Variants in IL15 observed in about 807,000 individuals in gnomAD.
IL15 encodes interleukin 15.
In IL15, 11 loss-of-function variants were observed where a neutral mutation model predicts 19.6. That is an observed-to-expected ratio of 0.56 (90% CI 0.35 to 0.93). IL15 has a LOEUF of 0.93. Ranked by LOEUF, IL15 falls within the 40% of genes least tolerant of loss-of-function variation. IL15 has a pLI of 0.01. For missense variants in IL15, 197 were observed against 186.5 expected (o/e 1.06, Z -0.33); for synonymous variants, 58 against 59.6 (o/e 0.97, Z 0.12).
At position 141,718,717 on chromosome 4, in the gene IL15, G is replaced by C. The variant is rs1335338956; in HGVS notation, c.-99-649G>C. On this transcript the variant is annotated intron_variant, in intron 2 of 7. Coordinates refer to ENST00000320650, the MANE Select transcript of IL15 (RefSeq NM_000585.5). ...TTAATTCAGTGAATATTTATGTCAT[G>C]GGTTGTGGCAGATTTTGGTTTTTTG... is the stretch of plus-strand genomic sequence containing the variant. The C allele has an allele frequency of 6.6e-5, 10 of 152,190 alleles. No individual in the cohort carries two copies. In the South Asian group the frequency reaches 2.1e-3, roughly 32 times the overall value. 9.4% of individuals were successfully genotyped at this position (152,190 alleles called of 1,614,324 possible). A position where few individuals can be genotyped will look rare whatever the true frequency, so the allele number is the denominator to read the frequency against.
chr4:141,649,023 G>C (rs1313999089), intron 1 of IL15, among the ~76,000 whole-genome samples: 3 of 152,110 alleles, frequency 2.0e-5, no homozygotes, highest in Admixed American at 6.5e-5. Flanking sequence ...TTGTTTGCAT[G>C]TAAACAGCTG....
intron 1 of IL15, among the ~76,000 whole-genome samples, chr4:141,645,017 T>C (rs1727180082): frequency 6.6e-6 from 1 of 152,196 alleles, no homozygotes; most frequent in Non-Finnish European, 1.5e-5. Flanking sequence ...TAATTTTTGC[T>C]ATTCTTTGCA....
chr4:141,664,426 A>C lies in IL15; in HGVS notation c.-100+8119A>C, dbSNP rs536567652. Among the ~76,000 whole-genome samples the C allele has an allele frequency of 2.9e-4, 44 of 151,984 alleles. 1 individual carries two copies. In the South Asian group the frequency reaches 8.3e-3, roughly 29 times the overall value. On this transcript the variant is annotated intron_variant, in intron 2 of 7. Coordinates refer to ENST00000320650, the MANE Select transcript of IL15 (RefSeq NM_000585.5). ...ACAAAAAAACCCTCTGGGGAAATTC[A>C]AAAGAATGATAAACTGGGAAAAATA...
intron 6 of IL15, among the ~76,000 whole-genome samples, chr4:141,728,889 T>G (rs1730356940): frequency 6.6e-6 from 1 of 152,124 alleles, no homozygotes; most frequent in Admixed American, 6.6e-5. Flanking sequence ...AAATTGCTTT[T>G]TTGCAAGAAG....
chr4:141,697,971 G>A (rs1339181900), intron 2 of IL15, among the ~76,000 whole-genome samples: 1 of 151,910 alleles, frequency 6.6e-6, no homozygotes, highest in Non-Finnish European at 1.5e-5. Context: ...TTGCCTGTGG[G>A]TTTGTCATAT....
intron 2 of IL15, among the ~76,000 whole-genome samples, chr4:141,670,974 G>C (rs1408264270): frequency 6.6e-6 from 1 of 152,180 alleles, no homozygotes; most frequent in Non-Finnish European, 1.5e-5. Context: ...ACAATGGGGT[G>C]AGTTGTGTAT....
chr4:141,639,016 A>T (rs558391695), intron 1 of IL15, among the ~76,000 whole-genome samples: 82 of 152,352 alleles, frequency 5.4e-4, no homozygotes, highest in African/African-American at 2.0e-3. Context: ...CCTATAACTT[A>T]AGTTATGAGA....
intron 1 of IL15, among the ~76,000 whole-genome samples, chr4:141,639,940 A>C (rs992656798): frequency 6.6e-6 from 1 of 152,312 alleles, no homozygotes; most frequent in East Asian, 1.9e-4. Context: ...ATTAAATACT[A>C]TCAACTATAT....
At chr4:141,688,108 G>A (rs1366821740) in intron 2 of IL15, among the ~76,000 whole-genome samples, 1 of 152,106 alleles carries the variant, frequency 6.6e-6, no homozygotes, top group Admixed American at 6.5e-5. Flanking sequence ...GAGTAGGGTT[G>A]TTTACAAAGG....
intron 5 of IL15, among the ~76,000 whole-genome samples, chr4:141,727,533 TAGC>T (rs1029285209): frequency 6.6e-6 from 1 of 152,100 alleles, no homozygotes; most frequent in African/African-American, 2.4e-5. Flanking sequence ...TATGAAAGAA[TAGC>T]AGCAGAATCC....
intron 1 of IL15, among the ~76,000 whole-genome samples, chr4:141,649,744 G>A (rs1174714945): frequency 1.3e-5 from 2 of 151,988 alleles, no homozygotes; most frequent in East Asian, 3.9e-4. Flanking sequence ...GAGCACGCTT[G>A]CTGCAATTAA....
intron 2 of IL15, among the ~76,000 whole-genome samples, chr4:141,711,538 G>A (rs1170331207): frequency 1.3e-5 from 2 of 152,012 alleles, no homozygotes; most frequent in Non-Finnish European, 2.9e-5. Flanking sequence ...CTTTTTATAT[G>A]CTTAGCATGC....
chr4:141,691,343 A>G (rs935376705), intron 2 of IL15, among the ~76,000 whole-genome samples: 2 of 152,132 alleles, frequency 1.3e-5, no homozygotes, highest in African/African-American at 4.8e-5. Flanking sequence ...CATTCTGCCC[A>G]TAGCACTGCC....
intron 5 of IL15, 152 bp from the exon 6 acceptor site, chr4:141,727,788 C>G: frequency 1.7e-6 from 1 of 582,610 alleles, no homozygotes; most frequent in Admixed American, 3.6e-5. Context: ...CACAGGATCT[C>G]TCTGTATTTA....
At chr4:141,641,544 A>G (rs1468051329) in intron 1 of IL15, among the ~76,000 whole-genome samples, 1 of 152,036 alleles carries the variant, frequency 6.6e-6, no homozygotes, top group African/African-American at 2.4e-5. Flanking sequence ...CTTTGTAGGG[A>G]CGTGGATGAA....
intron 3 of IL15, among the ~76,000 whole-genome samples, chr4:141,719,936 A>G (rs1730018189): frequency 6.6e-6 from 1 of 152,174 alleles, no homozygotes; most frequent in Non-Finnish European, 1.5e-5. Context: ...CTAAATCACC[A>G]AGAAAGATTA....
intron 2 of IL15, among the ~76,000 whole-genome samples, chr4:141,696,444 T>A (rs1212503782): frequency 1.3e-5 from 2 of 152,086 alleles, no homozygotes; most frequent in African/African-American, 4.8e-5. Flanking sequence ...TTTTAGAATT[T>A]CTTTTATATT....
At chr4:141,723,104 C>T (rs1230967118) in intron 5 of IL15, among the ~76,000 whole-genome samples, 1 of 152,028 alleles carries the variant, frequency 6.6e-6, no homozygotes, top group Non-Finnish European at 1.5e-5. Context: ...CAAAACACCA[C>T]CCATCTATAC....
At chr4:141,687,216 C>T (rs1388481095) in intron 2 of IL15, among the ~76,000 whole-genome samples, 1 of 152,130 alleles carries the variant, frequency 6.6e-6, no homozygotes. Flanking sequence ...CCATCTTCAT[C>T]CTTGTAAGCA....
Sources: gnomAD v4.1 joint callset for allele counts (sites outside exome capture counted in the v4.1 genomes callset) on GRCh38, gnomAD v4.1.1 for gene constraint, MANE v1.5 for transcripts, NCBI Gene and HGNC (gene_info 2026-07-23, HGNC 2026-07-21) for gene names.